The following PAK3 variants were observed in gnomAD, a reference collection of about 807,000 sequenced individuals.
The protein encoded by PAK3 is serine/threonine-protein kinase PAK 3.
A neutral mutation model predicts 41.0 loss-of-function variants in PAK3; 4 were observed. The ratio of observed to expected loss-of-function variants is 0.10; its 90% CI spans 0.05 to 0.22. PAK3 has a LOEUF of 0.22. Ranked by LOEUF, PAK3 falls within the 10% of genes least tolerant of loss-of-function variation. The pLI is 1.00. For synonymous variants in PAK3, 146 were observed against 139.6 expected (o/e 1.05, Z -0.32); for missense variants, 205 against 409.9 (o/e 0.50, Z 4.32).
intron 5 of PAK3, among the ~76,000 whole-genome samples, chrX:111,132,416 T>C (rs1019063514): frequency 1.8e-5 from 2 of 110,880 alleles, no homozygotes; most frequent in Non-Finnish European, 3.8e-5. Context: ...TAGGAATATA[T>C]AACACTGAAT....
At chrX:111,000,369 C>T (rs1023258308) in intron 1 of PAK3, among the ~76,000 whole-genome samples, 2 of 112,187 alleles carry the variant, frequency 1.8e-5, no homozygotes, top group Non-Finnish European at 3.8e-5. Flanking sequence ...CCAAAAAATG[C>T]ACTACCTTAA....
intron 11 of PAK3, among the ~76,000 whole-genome samples, chrX:111,184,824 A>G (rs751281166): frequency 2.1e-4 from 23 of 111,374 alleles, no homozygotes; most frequent in Admixed American, 1.6e-3. Flanking sequence ...GTTGGTTCCA[A>G]GACTTTGCTA....
chrX:111,132,986 A>G (rs2093740114), intron 5 of PAK3, among the ~76,000 whole-genome samples: 1 of 110,898 alleles, frequency 9.0e-6, no homozygotes, highest in South Asian at 3.8e-4. Flanking sequence ...TTCCACTCCC[A>G]CCATTCATTC....
chrX:110,979,454 C>G (rs1368709100), intron 1 of PAK3, among the ~76,000 whole-genome samples: 1 of 109,140 alleles, frequency 9.2e-6, no homozygotes, highest in East Asian at 2.9e-4. Context: ...GCCGCCACCT[C>G]GCCTGGCTAA....
At chrX:111,112,228 AT>A (rs1210765006) in intron 4 of PAK3, among the ~76,000 whole-genome samples, 1 of 109,746 alleles carries the variant, frequency 9.1e-6, no homozygotes, top group African/African-American at 3.3e-5. Flanking sequence ...TATGGATCTT[AT>A]TTTTTTCCAT....
intron 1 of PAK3, among the ~76,000 whole-genome samples, chrX:111,055,984 A>G: frequency 9.1e-6 from 1 of 110,064 alleles, no homozygotes; most frequent in East Asian, 2.9e-4. Context: ...ATTTTCTCCC[A>G]TTCCTTGACC....
intron 4 of PAK3, among the ~76,000 whole-genome samples, chrX:111,120,564 G>A (rs940741149): frequency 5.4e-5 from 6 of 111,784 alleles, no homozygotes; most frequent in Non-Finnish European, 1.1e-4. Flanking sequence ...TATCACGCAA[G>A]ATCAGCTTTG....
intron 5 of PAK3, among the ~76,000 whole-genome samples, chrX:111,138,514 G>A (rs1404420569): frequency 9.0e-6 from 1 of 111,451 alleles, no homozygotes; most frequent in Non-Finnish European, 1.9e-5. Context: ...CTGCAGAGGG[G>A]AGATAGGAAA....
chrX:111,045,534 T>A (rs1302294079), intron 1 of PAK3, among the ~76,000 whole-genome samples: 1 of 111,838 alleles, frequency 8.9e-6, no homozygotes, highest in Non-Finnish European at 1.9e-5. Context: ...GATGTTCTGA[T>A]GTTTTTTTCC....
At chrX:111,104,249 T>C (rs7065990) in intron 4 of PAK3, among the ~76,000 whole-genome samples, 4,166 of 111,172 alleles carry the variant, frequency 0.037, 207 homozygotes, top group African/African-American at 0.13. Flanking sequence ...GCTGTCCCTC[T>C]GTCTGGTCTT....
chrX:111,014,264 G>T (rs2092054999), intron 1 of PAK3, among the ~76,000 whole-genome samples: 1 of 111,429 alleles, frequency 9.0e-6, no homozygotes, highest in Admixed American at 9.5e-5. Context: ...CTGTTGCAGT[G>T]GTGTTCAAAG....
At chrX:110,951,798 G>A (rs762160198) in intron 1 of PAK3, among the ~76,000 whole-genome samples, 1 of 112,612 alleles carries the variant, frequency 8.9e-6, no homozygotes, top group South Asian at 3.7e-4. Flanking sequence ...TAAATTCACT[G>A]TGAAATGAAT....
At chrX:111,193,329 A>T (rs1009120610) in intron 13 of PAK3, among the ~76,000 whole-genome samples, 1 of 104,784 alleles carries the variant, frequency 9.5e-6, no homozygotes, top group Admixed American at 1.0e-4. Flanking sequence ...AGGAAAAAAG[A>T]GGGTTAAATT....
At chrX:111,080,306 C>G (rs981368542) in intron 1 of PAK3, among the ~76,000 whole-genome samples, 12 of 111,747 alleles carry the variant, frequency 1.1e-4, no homozygotes, top group Non-Finnish European at 3.8e-5. Flanking sequence ...CCCCAATCTA[C>G]AGCAACCACC....
At chrX:111,173,555 A>G (rs2094371532) in intron 11 of PAK3, among the ~76,000 whole-genome samples, 2 of 111,111 alleles carry the variant, frequency 1.8e-5, no homozygotes. Flanking sequence ...CTATCTGAGT[A>G]TGGAGGAAAC....
At chrX:110,951,123 T>G (rs948041455) in intron 1 of PAK3, among the ~76,000 whole-genome samples, 2 of 112,242 alleles carry the variant, frequency 1.8e-5, no homozygotes, top group Non-Finnish European at 3.8e-5. Context: ...TTGCCTGTTT[T>G]TCTTTTGAGT....
intron 1 of PAK3, among the ~76,000 whole-genome samples, chrX:110,982,206 T>C (rs1477191187): frequency 9.0e-6 from 1 of 111,498 alleles, no homozygotes; most frequent in Non-Finnish European, 1.9e-5. Flanking sequence ...GGAATCCCTG[T>C]TGTAAAGGGA....
At chrX:111,190,845 A>G (rs1211497210) in intron 11 of PAK3, among the ~76,000 whole-genome samples, 2 of 112,561 alleles carry the variant, frequency 1.8e-5, no homozygotes, top group Admixed American at 1.9e-4. Context: ...TTGGAGTATT[A>G]TAACATGTAG....
chrX:110,977,811 G>T (rs1057263340), intron 1 of PAK3, among the ~76,000 whole-genome samples: 1 of 111,475 alleles, frequency 9.0e-6, no homozygotes, highest in Non-Finnish European at 1.9e-5. Flanking sequence ...GATTCCTCAG[G>T]ATGTTCTGGA....
Sources: gnomAD v4.1 joint callset for allele counts (sites outside exome capture counted in the v4.1 genomes callset) on GRCh38, gnomAD v4.1.1 for gene constraint, MANE v1.5 for transcripts, NCBI Gene and HGNC (gene_info 2026-07-23, HGNC 2026-07-21) for gene names.